Variants in DMD observed in about 807,000 individuals in gnomAD.
DMD encodes mutant dystrophin.
In DMD, 63 loss-of-function variants were observed where a neutral mutation model predicts 330.1. The observed-to-expected ratio is 0.19, with a 90% CI of 0.16 to 0.24. The LOEUF (loss-of-function observed/expected upper bound fraction) is 0.24. Ranked by LOEUF, DMD falls within the 10% of genes least tolerant of loss-of-function variation. The pLI, the probability that DMD is intolerant of heterozygous loss-of-function variation, is 1.00. For synonymous variants in DMD, 1,223 were observed against 959.8 expected (o/e 1.27, Z -5.07); for missense variants, 3,344 against 2,684.1 (o/e 1.25, Z -5.43).
At chrX:31,675,344 T>C (rs1282385500) in intron 53 of DMD, among the ~76,000 whole-genome samples, 2 of 111,828 alleles carry the variant, frequency 1.8e-5, no homozygotes, top group African/African-American at 6.5e-5. Flanking sequence ...AATAGGTTGT[T>C]ATTGTCCCCA....
At chrX:33,103,994 A>G (rs2095264330) in intron 1 of DMD, among the ~76,000 whole-genome samples, 1 of 111,892 alleles carries the variant, frequency 8.9e-6, no homozygotes, top group South Asian at 3.7e-4. Context: ...ATAAGTCCTC[A>G]GGGGAACACT....
rs191494636 is a variant in DMD, at chrX:31,447,349, T to G, written c.8938-2722A>C. Among the ~76,000 whole-genome samples the G allele has an allele frequency of 3.4e-3, 345 of 100,776 alleles. 2 individuals carry two copies. The highest frequency in any genetic ancestry group is 5.9e-3 in the Non-Finnish European group (296 of 50,559). The allele number at this position is 100,776 out of a possible 115,157, so 87.5% of individuals were successfully genotyped here. ...TAATCTCCACTTAAGACTCACCAAA[T>G]TAGCCAAAGTCTTCATTCTCTTTGT... On this transcript the variant is annotated intron_variant, in intron 59 of 78. Coordinates refer to ENST00000357033, the MANE Select transcript of DMD (RefSeq NM_004006.3).
chrX:31,813,561 C>G (rs893147246), intron 50 of DMD, among the ~76,000 whole-genome samples: 6 of 112,247 alleles, frequency 5.3e-5, no homozygotes, highest in Non-Finnish European at 9.4e-5. Context: ...ATTGTGAGGC[C>G]TCTCCAGCCA....
chrX:32,788,204 A>G (rs1414166799), intron 7 of DMD, among the ~76,000 whole-genome samples: 2 of 112,056 alleles, frequency 1.8e-5, no homozygotes, highest in Non-Finnish European at 3.8e-5. Flanking sequence ...AGTTAAGATA[A>G]TAGTAGAATT....
At chrX:31,572,513 A>C (rs1306411031) in intron 55 of DMD, among the ~76,000 whole-genome samples, 2 of 112,166 alleles carry the variant, frequency 1.8e-5, no homozygotes, top group Non-Finnish European at 3.8e-5. Flanking sequence ...TTTTCTTGCC[A>C]AGGTGGTATG....
At chrX:32,481,972 T>C (rs1051619970) in intron 21 of DMD, among the ~76,000 whole-genome samples, 1 of 111,613 alleles carries the variant, frequency 9.0e-6, no homozygotes, top group Admixed American at 9.6e-5. Context: ...CAGAAGAGAA[T>C]CATTTTGAAA....
intron 60 of DMD, among the ~76,000 whole-genome samples, chrX:31,358,424 T>C (rs2058769965): frequency 9.0e-6 from 1 of 111,449 alleles, no homozygotes. Context: ...AATCCTAAAA[T>C]CCATCAAGAT....
chrX:32,250,555 A>T (rs1285661361), intron 43 of DMD, among the ~76,000 whole-genome samples: 1 of 111,760 alleles, frequency 8.9e-6, no homozygotes, highest in East Asian at 2.8e-4. Flanking sequence ...GACACAAAAC[A>T]TTTTTCTTGG....
chrX:32,824,495 C>T (rs1358323156), intron 4 of DMD, among the ~76,000 whole-genome samples: 1 of 111,730 alleles, frequency 9.0e-6, no homozygotes, highest in East Asian at 2.8e-4. Context: ...AAAAGTCATT[C>T]TGAAAGGGTA....
intron 28 of DMD, among the ~76,000 whole-genome samples, chrX:32,439,707 C>A (rs1214269960): frequency 9.0e-6 from 1 of 110,954 alleles, no homozygotes; most frequent in African/African-American, 3.3e-5. Context: ...AAATGTCCTC[C>A]TGGATAAGCA....
intron 7 of DMD, among the ~76,000 whole-genome samples, chrX:32,743,155 C>T (rs943951264): frequency 9.0e-6 from 1 of 111,364 alleles, no homozygotes; most frequent in Non-Finnish European, 1.9e-5. Flanking sequence ...TGCACAGCCC[C>T]TCCCGGGATC....
chrX:32,383,056 C>G (rs1405620316), intron 33 of DMD, among the ~76,000 whole-genome samples: 10 of 110,542 alleles, frequency 9.0e-5, no homozygotes, highest in East Asian at 8.5e-4. Flanking sequence ...AAAATCAGAG[C>G]ATAGAGAAAT....
Position 32,733,620 on chromosome X carries a change from C to T in DMD, c.650-34327G>A, listed in dbSNP as rs187896752. ...CAGAATTAAGAATCTCACTCAAAACCGCTCAACTACATGGAAACTGAACAA... is the reference window on the plus strand; with the variant it reads ...CAGAATTAAGAATCTCACTCAAAACTGCTCAACTACATGGAAACTGAACAA... On this transcript the variant is annotated intron_variant, in intron 7 of 78. Transcript: ENST00000357033. 1.9e-3 allele frequency among the ~76,000 whole-genome samples: 211 copies of T among 111,317 alleles called. 1 individual carries two copies. The highest frequency in any genetic ancestry group is 5.6e-3 in the East Asian group (20 of 3,552).
chrX:32,400,245 G>C (rs778982967), intron 30 of DMD, among the ~76,000 whole-genome samples: 1 of 111,691 alleles, frequency 9.0e-6, no homozygotes, highest in Non-Finnish European at 1.9e-5. Flanking sequence ...GCTCTGTTTA[G>C]ATGCTGGATT....
At chrX:31,308,668 T>G (rs1047604556) in intron 62 of DMD, among the ~76,000 whole-genome samples, 3 of 111,561 alleles carry the variant, frequency 2.7e-5, no homozygotes, top group African/African-American at 9.8e-5. Context: ...TGCTTCGGCT[T>G]CCCAAAGTGT....
intron 62 of DMD, among the ~76,000 whole-genome samples, chrX:31,265,200 T>C (rs1452509635): frequency 8.9e-6 from 1 of 112,582 alleles, no homozygotes; most frequent in Non-Finnish European, 1.9e-5. Context: ...AGCCCATTGA[T>C]CCACACACAC....
At chrX:32,649,285 T>G (rs1048775481) in intron 9 of DMD, among the ~76,000 whole-genome samples, 2 of 110,251 alleles carry the variant, frequency 1.8e-5, no homozygotes, top group Non-Finnish European at 3.8e-5. Flanking sequence ...CCGGGTGCGG[T>G]GGCTCAGACC....
intron 2 of DMD, among the ~76,000 whole-genome samples, chrX:32,876,585 C>G (rs908700328): frequency 8.9e-6 from 1 of 111,908 alleles, no homozygotes; most frequent in Non-Finnish European, 1.9e-5. Flanking sequence ...CTTGCGGTCT[C>G]TCGGTCATTT....
At chrX:32,921,097 C>A (rs1319129646) in intron 2 of DMD, among the ~76,000 whole-genome samples, 2 of 111,893 alleles carry the variant, frequency 1.8e-5, no homozygotes, top group African/African-American at 3.2e-5. Flanking sequence ...GCCTAAAAGG[C>A]ATTTTTAAAT....
Sources: gnomAD v4.1 joint callset for allele counts (sites outside exome capture counted in the v4.1 genomes callset) on GRCh38, gnomAD v4.1.1 for gene constraint, MANE v1.5 for transcripts, NCBI Gene and HGNC (gene_info 2026-07-23, HGNC 2026-07-21) for gene names.